Variants in NECTIN3 observed in about 807,000 individuals in gnomAD.
NECTIN3 encodes nectin cell adhesion molecule 3.
Under a neutral mutation model 49.4 loss-of-function variants are expected in NECTIN3, and 8 were observed. That is an observed-to-expected ratio of 0.16 (90% CI 0.10 to 0.29). The LOEUF is 0.29. NECTIN3 is among the 10% of genes least tolerant of loss of function. The probability of loss-of-function intolerance (pLI) is 1.00; values close to 1 mark genes in which losing one functional copy is unlikely to be tolerated. For synonymous variants in NECTIN3, 277 were observed against 241.1 expected (o/e 1.15, Z -1.38); for missense variants, 581 against 654.6 (o/e 0.89, Z 1.23).
intron 4 of NECTIN3, 93 bp downstream of exon 4, chr3:111,122,331 T>G (rs2033991464): frequency 1.1e-6 from 1 of 888,404 alleles, no homozygotes; most frequent in African/African-American, 1.7e-5. Flanking sequence ...AATACATGAT[T>G]ATAGTAATAG....
chr3:111,097,018 A>G (rs9852835), intron 1 of NECTIN3, among the ~76,000 whole-genome samples: 1,575 of 152,276 alleles, frequency 0.01, 17 homozygotes, highest in Non-Finnish European at 0.019. Context: ...AGATCCACTG[A>G]CAGCTTGCAC....
chr3:111,118,303 T>C (rs1183567634), intron 2 of NECTIN3, among the ~76,000 whole-genome samples: 1 of 108,284 alleles, frequency 9.2e-6, no homozygotes, highest in Non-Finnish European at 2.0e-5. Context: ...ATAAAACTTA[T>C]CTTCCAGAGA....
chr3:111,146,575 T>G, intron 6 of NECTIN3, among the ~76,000 whole-genome samples: 1 of 152,190 alleles, frequency 6.6e-6, no homozygotes, highest in Non-Finnish European at 1.5e-5. Flanking sequence ...TAAGTTTTAA[T>G]CATTTAAAAT....
chr3:111,110,256 C>CT (rs1052870153), intron 1 of NECTIN3, among the ~76,000 whole-genome samples: 8 of 151,710 alleles, frequency 5.3e-5, no homozygotes, highest in Non-Finnish European at 7.4e-5. Context: ...TTGTCTTGGT[C>CT]TTTTTTTAAT....
chr3:111,186,928 T>C (rs1397023245), intron 7 of NECTIN3, among the ~76,000 whole-genome samples: 1 of 152,240 alleles, frequency 6.6e-6, no homozygotes, highest in Admixed American at 6.5e-5. Context: ...TATAGTTTTA[T>C]TCAGTACATA....
At chr3:111,187,435 C>T (rs1302485696), upstream of NECTIN3, among the ~76,000 whole-genome samples, 4 of 151,962 alleles carry the variant, frequency 2.6e-5, no homozygotes, top group South Asian at 2.1e-4. Flanking sequence ...ATACTCTTAC[C>T]GTATAACCTA....
intron 1 of NECTIN3, among the ~76,000 whole-genome samples, chr3:111,075,465 T>TTG (rs1429822950): frequency 6.6e-6 from 1 of 152,130 alleles, no homozygotes; most frequent in African/African-American, 2.4e-5. Context: ...GATGGAGATC[T>TTG]TGTGAGAATT....
At chr3:111,170,610 G>A (rs1322153019) in intron 7 of NECTIN3, among the ~76,000 whole-genome samples, 1 of 152,152 alleles carries the variant, frequency 6.6e-6, no homozygotes, top group East Asian at 1.9e-4. Flanking sequence ...AGCAGAGTAG[G>A]GGTCAGTGGA....
chr3:111,179,017 G>A (rs1384337089), intron 7 of NECTIN3, among the ~76,000 whole-genome samples: 1 of 152,176 alleles, frequency 6.6e-6, no homozygotes, highest in African/African-American at 2.4e-5. Flanking sequence ...ATAAAACTTG[G>A]CTATATAGCT....
intron 7 of NECTIN3, among the ~76,000 whole-genome samples, chr3:111,157,164 TG>T (rs550206797): frequency 6.7e-4 from 102 of 152,204 alleles, no homozygotes; most frequent in African/African-American, 2.4e-3. Flanking sequence ...CTATCTGGAG[TG>T]GTACTTTAGT....
chr3:111,125,470 T>C (rs564621668), intron 4 of NECTIN3, among the ~76,000 whole-genome samples: 9 of 152,340 alleles, frequency 5.9e-5, no homozygotes, highest in African/African-American at 1.9e-4. Context: ...TGAATGACTT[T>C]AGAATTCTCA....
chr3:111,110,411 A>G (rs2033405972), intron 1 of NECTIN3, among the ~76,000 whole-genome samples: 1 of 152,072 alleles, frequency 6.6e-6, no homozygotes, highest in East Asian at 1.9e-4. Flanking sequence ...TTAACATCGA[A>G]TAAGAAAGTC....
chr3:111,115,717 G>A (rs1474245371), intron 2 of NECTIN3, among the ~76,000 whole-genome samples: 1 of 152,174 alleles, frequency 6.6e-6, no homozygotes, highest in Non-Finnish European at 1.5e-5. Flanking sequence ...TTGAAATGAA[G>A]AGGTCCTTAA....
At chr3:111,079,998 G>C (rs1343670790) in intron 1 of NECTIN3, among the ~76,000 whole-genome samples, 6 of 151,884 alleles carry the variant, frequency 4.0e-5, no homozygotes, top group Non-Finnish European at 5.9e-5. Flanking sequence ...TTGTATACTA[G>C]TACAGTGCCA....
chr3:111,086,765 T>C (rs1334617148), intron 1 of NECTIN3, among the ~76,000 whole-genome samples: 2 of 152,162 alleles, frequency 1.3e-5, no homozygotes, highest in Non-Finnish European at 2.9e-5. Context: ...ATAAAAAGCC[T>C]GCAGGATTTT....
At chr3:111,086,677 G>A (rs1576077745) in intron 1 of NECTIN3, among the ~76,000 whole-genome samples, 1 of 152,050 alleles carries the variant, frequency 6.6e-6, no homozygotes, top group South Asian at 2.1e-4. Context: ...GAGTAAGCTC[G>A]CCTATTCAGG....
intron 7 of NECTIN3, among the ~76,000 whole-genome samples, chr3:111,160,115 A>G (rs922766251): frequency 1.3e-5 from 2 of 152,228 alleles, no homozygotes; most frequent in Non-Finnish European, 2.9e-5. Flanking sequence ...TGTTTGGAAC[A>G]AAACAGAATA....
chr3:111,180,765 C>T (rs903845198), intron 7 of NECTIN3, among the ~76,000 whole-genome samples: 3 of 152,184 alleles, frequency 2.0e-5, no homozygotes, highest in South Asian at 2.1e-4. Context: ...TACTTTTTAA[C>T]GGAGAAACTT....
At chr3:111,110,078 C>CTT (rs1460028386) in intron 1 of NECTIN3, among the ~76,000 whole-genome samples, 2 of 151,984 alleles carry the variant, frequency 1.3e-5, no homozygotes, top group Non-Finnish European at 2.9e-5. Context: ...TTATAAGCAA[C>CTT]TACATTATTG....
Sources: allele counts gnomAD v4.1 joint callset (sites outside exome capture counted in the v4.1 genomes callset), GRCh38; gene constraint gnomAD v4.1.1; transcripts MANE v1.5; gene names NCBI Gene and HGNC (gene_info 2026-07-23, HGNC 2026-07-21).